Variants in MAGEL2 observed in about 807,000 individuals in gnomAD.
MAGEL2 encodes the protein MAGE-like protein 2.
For synonymous variants in MAGEL2, 792 were observed against 721.7 expected, an observed-to-expected ratio of 1.10 and a Z score of -1.56; for missense variants, 1,830 against 1,699.2, an observed-to-expected ratio of 1.08 and a Z score of -1.35.
chr15:23,644,258 A>T lies in MAGEL2; in HGVS notation c.3485T>A (p.Val1162Asp). 6.2e-7 allele frequency: 1 copy of T among 1,613,776 alleles called. No individual in the cohort carries two copies. The highest frequency in any genetic ancestry group is 8.5e-7 in the Non-Finnish European group (1 of 1,179,886). The stretch of plus-strand genomic sequence containing the variant: ...CCTGTACTCTAGGTACTTCTGCCTG[A>T]CAAACACTTCGGTGATGAGCTTCTT... ...NTKKLITEVF[V>D]RQKYLEYRRI... Residue 1162 changes from valine (V) to aspartate (D), a missense_variant, in exon 1 of 1, where the codon GTC becomes GAC. By Grantham distance (152) the Val-to-Asp change is radical. Coordinates refer to ENST00000650528, the MANE Select transcript of MAGEL2 (RefSeq NM_019066.5).
Position 23,644,407 on chromosome 15 carries a change from A to G in MAGEL2, c.3336T>C (p.Leu1112=). 1.2e-6 allele frequency: 2 copies of G among 1,613,958 alleles called. No individual in the cohort carries two copies. The highest frequency in any genetic ancestry group is 1.7e-6 in the Non-Finnish European group (2 of 1,179,878). ...AGATGAGGCTCAAGACCACCATCAG[A>G]AGGCCAAACTTGGGCCTGTCTAAAT... ...ASYLDRPKFG[L]LMVVLSLIFM... is the part of the protein sequence containing the mutation. Residue 1112 remains leucine (L), a synonymous_variant, in exon 1 of 1, where the codon CTT becomes CTC. Coordinates refer to ENST00000650528, the MANE Select transcript of MAGEL2 (RefSeq NM_019066.5).
rs1047916933 is a variant in MAGEL2, at chr15:23,646,260, G to C, written c.1483C>G (p.Gln495Glu). 6 of 1,362,674 alleles carry C rather than the reference G, an allele frequency of 4.4e-6. No individual in the cohort carries two copies. Among genetic ancestry groups the C allele is most frequent in the Non-Finnish European group, 4.7e-6 (5 of 1,067,762 alleles). 84.4% of individuals were successfully genotyped at this position (1,362,674 alleles called of 1,614,324 possible). Reference sequence around the variant, plus strand: ...GCAGGTCGGATGGGCGGCGGCGCCTGGCGGATCAGCGGCGGGGCCTGGCGG... The same window carrying C: ...GCAGGTCGGATGGGCGGCGGCGCCTCGCGGATCAGCGGCGGGGCCTGGCGG... ...VIRQAPPLIR[Q>E]APPPIRPAPQ... Residue 495 changes from glutamine (Q) to glutamate (E), a missense_variant, in exon 1 of 1, where the codon CAG becomes GAG. Physicochemically the swap from Gln to Glu is conservative, Grantham distance 29. Coordinates refer to ENST00000650528, the MANE Select transcript of MAGEL2 (RefSeq NM_019066.5). This position sits in a 1 kb window ranked among gnomAD's most constrained non-coding sequence, Gnocchi z 4.2.
Position 23,644,436 on chromosome 15 carries a change from A to G in MAGEL2, c.3307T>C (p.Ser1103Pro), listed in dbSNP as rs1028803713. Reference sequence around the variant, plus strand: ...CCAAACTTGGGCCTGTCTAAATAGGATGCCACCAAATTCCCTGTATGGTAG... The same window carrying G: ...CCAAACTTGGGCCTGTCTAAATAGGGTGCCACCAAATTCCCTGTATGGTAG... ...LGYHTGNLVASYLDRPKFGLL... is the reference protein window; with the variant it reads ...LGYHTGNLVAPYLDRPKFGLL... The change falls in exon 1 of 1, where the codon TCC (serine) becomes CCC (proline). Residue 1103 changes from serine to proline, a missense_variant. Transcript: ENST00000650528. The G allele has an allele frequency of 6.2e-7, 1 of 1,613,914 alleles. No homozygotes were observed. The highest frequency in any genetic ancestry group is 1.1e-5 in the South Asian group (1 of 91,074).
chr15:23,646,375 G>T lies in MAGEL2; in HGVS notation c.1368C>A (p.Pro456=), dbSNP rs1056905001. 2 of 1,371,612 alleles carry T rather than the reference G, an allele frequency of 1.5e-6. No homozygotes were observed. The highest frequency in any genetic ancestry group is 7.3e-5 in the Admixed American group (2 of 27,358). The allele number at this position is 1,371,612 out of a possible 1,614,324, so 85.0% of individuals were successfully genotyped here. ...QAPPVIRQAP[P]VIRQAPAVIR... ...TCACAGCGGGGGCCTGGCGGATCAC[G>T]GGTGGGGCCTGGCGGATCACGGGTG... is the stretch of plus-strand genomic sequence containing the variant. Residue 456 remains proline (P), a synonymous_variant, in exon 1 of 1, where the codon CCC becomes CCA. Coordinates refer to ENST00000650528, the MANE Select transcript of MAGEL2 (RefSeq NM_019066.5). The surrounding 1 kb of genome is among the most constrained non-coding windows in gnomAD (Gnocchi z 4.2).
In MAGEL2 at chr15:23,645,794, T is replaced by C. The variant is rs776312553; in HGVS notation, c.1949A>G (p.Gln650Arg). 29 of 1,590,630 alleles carry C rather than the reference T, an allele frequency of 1.8e-5. No homozygotes were observed. In the African/African-American group the frequency reaches 3.9e-4, roughly 21 times the overall value. ...PPLVQLEQPF[Q>R]GAPPSQKAVQ... Reference sequence around the variant, plus strand: ...GGCTTTTTGGGAGGGCGGGGCTCCCTGAAAGGGCTGCTCCAGCTGGACCAA... The same window carrying C: ...GGCTTTTTGGGAGGGCGGGGCTCCCCGAAAGGGCTGCTCCAGCTGGACCAA... The change falls in exon 1 of 1, where the codon CAG becomes CGG. Residue 650 changes from glutamine (Q) to arginine (R), a missense_variant. Coordinates refer to ENST00000650528, the MANE Select transcript of MAGEL2 (RefSeq NM_019066.5).
chr15:23,646,126 C>CGCCGCCTGCACCTGCGGG lies in MAGEL2; in HGVS notation c.1599_1616dup (p.Gln537_Val542dup), dbSNP rs1890396948. ...CAGGTGGGGCCGTAGGCACCTGCGG[C>CGCCGCCTGCACCTGCGGG]GCCGCCTGCACCTGCGGGGCCGGCA... On this transcript the variant is annotated inframe_insertion, in exon 1 of 1. Transcript: ENST00000650528. The surrounding 1 kb of genome is among the most constrained non-coding windows in gnomAD (Gnocchi z 4.2). The CGCCGCCTGCACCTGCGGG allele has an allele frequency of 2.9e-6, 4 of 1,364,910 alleles. No homozygotes were observed. The highest frequency in any genetic ancestry group is 3.7e-6 in the Non-Finnish European group (4 of 1,067,560). The allele number at this position is 1,364,910 out of a possible 1,614,324, so 84.5% of individuals were successfully genotyped here. A position where few individuals can be genotyped will look rare whatever the true frequency, so the allele number is the denominator to read the frequency against.
Position 23,644,661 on chromosome 15 carries a change from C to T in MAGEL2, c.3082G>A (p.Val1028Met), listed in dbSNP as rs1321272829. Residue 1028 changes from valine (V) to methionine (M), a missense_variant, in exon 1 of 1, where the codon GTG becomes ATG. Transcript: ENST00000650528. ...TGGTCCTTGACTAAGAGGAACTGCA[C>T]CAACGCATTTGCCCTCTCATCCAAG... is the stretch of plus-strand genomic sequence containing the variant. ...SPLDERANAL[V>M]QFLLVKDQAK... 6.2e-7 allele frequency: 1 copy of T among 1,613,850 alleles called. No individual in the cohort carries two copies. Among genetic ancestry groups the T allele is most frequent in the South Asian group, 1.1e-5 (1 of 91,058 alleles).
In MAGEL2 at chr15:23,645,886, G is replaced by A. The variant is rs1024171155; in HGVS notation, c.1857C>T (p.Ala619=). 1.3e-6 allele frequency: 2 copies of A among 1,574,590 alleles called. No homozygotes were observed. Residue 619 remains alanine (A), a synonymous_variant, in exon 1 of 1, where the codon GCC becomes GCT. Transcript: ENST00000650528. ...VQQTQALAWQ[A]QKAPTHIWQP... is the part of the protein sequence containing the mutation. ...GCCAGATGTGAGTGGGGGCCTTCTG[G>A]GCCTGCCAGGCCAGCGCCTGTGTCT...
Position 23,645,162 on chromosome 15 carries a change from C to A in MAGEL2, c.2581G>T (p.Ala861Ser). Residue 861 changes from alanine to serine, a missense_variant, in exon 1 of 1, where the codon GCC (alanine) becomes TCC (serine). By Grantham distance (99) the Ala-to-Ser change is moderately conservative. Transcript: ENST00000650528. The stretch of plus-strand genomic sequence containing the variant: ...TGAGTGGTGGCAGTTGCCTGGGGGG[C>A]AGCTGCTGTAGCCATCAGGAAGGTG... ...VPTFLMATAA[A>S]PQATATTQEA... 1.2e-6 allele frequency: 2 copies of A among 1,613,766 alleles called. No homozygotes were observed. The highest frequency in any genetic ancestry group is 1.7e-6 in the Non-Finnish European group (2 of 1,179,888).
In MAGEL2 at chr15:23,647,415, C is replaced by A; in HGVS notation, c.328G>T (p.Val110Leu). Residue 110 changes from valine (V) to leucine (L), a missense_variant, in exon 1 of 1, where the codon GTG becomes TTG. By Grantham distance (32) the Val-to-Leu change is conservative. Transcript: ENST00000650528. ...GKPPTPGVLM[V>L]HPPPPGAPMA... ...GGGGCTCCCGGAGGTGGAGGATGCA[C>A]CATCAGGACCCCGGGAGTCGGAGGC... is the stretch of plus-strand genomic sequence containing the variant. The A allele has an allele frequency of 1.3e-6, 2 of 1,536,448 alleles. No individual in the cohort carries two copies. Among genetic ancestry groups the A allele is most frequent in the Non-Finnish European group, 1.7e-6 (2 of 1,146,832 alleles).
Position 23,645,733 on chromosome 15 carries a change from T to C in MAGEL2, c.2010A>G (p.Ala670=), listed in dbSNP as rs925693073. The C allele has an allele frequency of 1.3e-6, 2 of 1,566,698 alleles. No individual in the cohort carries two copies. Among genetic ancestry groups the C allele is most frequent in the Non-Finnish European group, 1.7e-6 (2 of 1,158,568 alleles). The change falls in exon 1 of 1, where the codon GCA becomes GCG. Residue 670 remains alanine (A), a synonymous_variant. Coordinates refer to ENST00000650528, the MANE Select transcript of MAGEL2 (RefSeq NM_019066.5). The stretch of plus-strand genomic sequence containing the variant: ...TGGGCACCTCCGCTTGCGGACCCGA[T>C]GCCTGGGCCTGCTGGGGGGGTAGCT... ...QIQLPPQQAQ[A]SGPQAEVPTL...
Position 23,645,053 on chromosome 15 carries a change from TC to T in MAGEL2, c.2689del (p.Asp897ThrfsTer7). 6.2e-7 allele frequency: 1 copy of T among 1,613,944 alleles called. No individual in the cohort carries two copies. The highest frequency in any genetic ancestry group is 8.5e-7 in the Non-Finnish European group (1 of 1,179,900). ...RKKKHLEAQEDSRGHTLAFHD... is the reference protein window; with the variant it reads ...RKKKHLEAQEXSRGHTLAFHD... Reference sequence around the variant, plus strand: ...AAAGGCTAGCGTGTGGCCACGGCTGTCCTCTTGGGCTTCCAGATGCTTCTTC... The same window carrying T: ...AAAGGCTAGCGTGTGGCCACGGCTGTCTCTTGGGCTTCCAGATGCTTCTTC... On this transcript the variant is annotated frameshift_variant, in exon 1 of 1. Transcript: ENST00000650528. LOFTEE classifies it low-confidence loss of function (END_TRUNC).
rs1244143071 is a variant in MAGEL2 at position 23,647,822 on chromosome 15, G to A, written c.-80C>T. 4 of 1,380,578 alleles carry A rather than the reference G, an allele frequency of 2.9e-6. No individual in the cohort carries two copies. The East Asian group carries it at 7.8e-5, about 27-fold the overall frequency. 85.5% of individuals were successfully genotyped at this position (1,380,578 alleles called of 1,614,324 possible). ...CCTCCAGAGAGAAGAGAATGCCTAC[G>A]TGGCTGTTCAGAGGCTCCCTCCCTG... is the stretch of plus-strand genomic sequence containing the variant. On this transcript the variant is annotated 5_prime_UTR_variant, in exon 1 of 1. The change creates a new upstream start codon in the 5' untranslated region. Coordinates refer to ENST00000650528, the MANE Select transcript of MAGEL2 (RefSeq NM_019066.5).
chr15:23,646,523 G>C lies in MAGEL2; in HGVS notation c.1220C>G (p.Pro407Arg). Residue 407 changes from proline (P) to arginine (R), a missense_variant, in exon 1 of 1, where the codon CCG becomes CGG. Coordinates refer to ENST00000650528, the MANE Select transcript of MAGEL2 (RefSeq NM_019066.5). The surrounding 1 kb of genome is among the most constrained non-coding windows in gnomAD (Gnocchi z 4.2). ...QAPAVTWQVP[P>R]PMRQGPPPIR... ...GGGCGGGGGCCCCTGGCGCATGGGC[G>C]GCGGCACCTGCCAGGTAACGGCTGG... is the stretch of plus-strand genomic sequence containing the variant. 1 of 1,468,928 alleles carries C rather than the reference G, an allele frequency of 6.8e-7. No individual in the cohort carries two copies. The highest frequency in any genetic ancestry group is 9.0e-7 in the Non-Finnish European group (1 of 1,117,172). The allele number at this position is 1,468,928 out of a possible 1,614,324, so 91.0% of individuals were successfully genotyped here.
rs369568784 is a variant in MAGEL2, at chr15:23,644,950, C to T, written c.2793G>A (p.Ser931=). The T allele has an allele frequency of 4.3e-5, 69 of 1,613,588 alleles. No individual in the cohort carries two copies. Among genetic ancestry groups the T allele is most frequent in the Non-Finnish European group, 5.3e-5 (62 of 1,179,894 alleles). ...DWEVQSPIQV[S]GDWEHPNTPR... is the part of the protein sequence containing the mutation. ...GGGTGTTTGGGTGCTCCCAGTCACC[C>T]GAGACCTGGATAGGGCTTTGGACCT... The change falls in exon 1 of 1, where the codon TCG becomes TCA. Residue 931 remains serine, a synonymous_variant. Transcript: ENST00000650528.
rs1890414677 is a variant in MAGEL2 at position 23,646,702 on chromosome 15, A to G, written c.1041T>C (p.Ala347=). ...ILQIQSQVIR[A]PPQVPQGPQA... ...GCGGGCCCTGGGGAACCTGCGGAGGAGCCCTTATAACTTGAGACTGGATTT... is the reference window on the plus strand; with the variant it reads ...GCGGGCCCTGGGGAACCTGCGGAGGGGCCCTTATAACTTGAGACTGGATTT... The change falls in exon 1 of 1, where the codon GCT becomes GCC. Residue 347 remains alanine (A), a synonymous_variant. Coordinates refer to ENST00000650528, the MANE Select transcript of MAGEL2 (RefSeq NM_019066.5). This position sits in a 1 kb window ranked among gnomAD's most constrained non-coding sequence, Gnocchi z 4.2. 2 of 1,527,978 alleles carry G rather than the reference A, an allele frequency of 1.3e-6. No individual in the cohort carries two copies. Among genetic ancestry groups the G allele is most frequent in the Non-Finnish European group, 8.8e-7 (1 of 1,142,142 alleles). The allele number at this position is 1,527,978 out of a possible 1,614,324, so 94.7% of individuals were successfully genotyped here. A position where few individuals can be genotyped will look rare whatever the true frequency, so the allele number is the denominator to read the frequency against.
Position 23,644,372 on chromosome 15 carries a change from C to A in MAGEL2, c.3371G>T (p.Gly1124Val). Residue 1124 changes from glycine (G) to valine (V), a missense_variant, in exon 1 of 1, where the codon GGC (glycine) becomes GTC (valine). Gly to Val is a moderately radical substitution (Grantham distance 109). Coordinates refer to ENST00000650528, the MANE Select transcript of MAGEL2 (RefSeq NM_019066.5). Reference protein sequence around the residue: ...MVVLSLIFMKGNCVREDLIFN... With the variant: ...MVVLSLIFMKVNCVREDLIFN... ...GATCAGATCCTCCCTGACACAGTTG[C>A]CTTTCATAAAGATGAGGCTCAAGAC... 6.2e-7 allele frequency: 1 copy of A among 1,613,882 alleles called. No homozygotes were observed. The highest frequency in any genetic ancestry group is 8.5e-7 in the Non-Finnish European group (1 of 1,179,888).
chr15:23,645,533 G>T lies in MAGEL2; in HGVS notation c.2210C>A (p.Thr737Asn), dbSNP rs1566784133. Residue 737 changes from threonine to asparagine, a missense_variant, in exon 1 of 1, where the codon ACC becomes AAC. By Grantham distance (65) the Thr-to-Asn change is moderately conservative. Transcript: ENST00000650528. Reference protein sequence around the residue: ...DRRGSSKERRTSSKERRAPSK... With the variant: ...DRRGSSKERRNSSKERRAPSK... ...AGGGGCCCTGCGCTCCTTCGAGGAG[G>T]TCCTGCGCTCTTTAGAGGAGCCCCT... 1 of 1,613,754 alleles carries T rather than the reference G, an allele frequency of 6.2e-7. No homozygotes were observed. Among genetic ancestry groups the T allele is most frequent in the Non-Finnish European group, 8.5e-7 (1 of 1,179,772 alleles).
chr15:23,643,710 C>G lies in MAGEL2; in HGVS notation c.*283G>C, dbSNP rs954667253. 1 of 344,354 alleles carries G rather than the reference C, an allele frequency of 2.9e-6. No homozygotes were observed. The highest frequency in any genetic ancestry group is 5.2e-6 in the Non-Finnish European group (1 of 192,534). 21.3% of individuals were successfully genotyped at this position (344,354 alleles called of 1,614,324 possible). ...TAGCTTCTCAATTCATTTCACAAAGCCAGCACAAAGCTGATACCAAAACAT... is the reference window on the plus strand; with the variant it reads ...TAGCTTCTCAATTCATTTCACAAAGGCAGCACAAAGCTGATACCAAAACAT... On this transcript the variant is annotated 3_prime_UTR_variant, in exon 1 of 1. Coordinates refer to ENST00000650528, the MANE Select transcript of MAGEL2 (RefSeq NM_019066.5).
Sources: gnomAD v4.1 joint callset for allele counts on GRCh38, gnomAD v4.1.1 for gene constraint, Gnocchi (gnomAD v3.1) non-coding constraint, MANE v1.5 for transcripts, NCBI Gene and HGNC (gene_info 2026-07-23, HGNC 2026-07-21) for gene names.